Variants in KDM2A observed in about 807,000 individuals in gnomAD.
KDM2A encodes the protein lysine-specific demethylase 2A.
A neutral mutation model predicts 137.3 loss-of-function variants in KDM2A; 3 were observed. The ratio of observed to expected loss-of-function variants is 0.02; its 90% CI spans 0.01 to 0.06. KDM2A has a LOEUF of 0.06. Ranked by LOEUF, KDM2A falls within the 10% of genes least tolerant of loss-of-function variation. The pLI is 1.00. For synonymous variants in KDM2A, 512 were observed against 541.5 expected (o/e 0.95, Z 0.76); for missense variants, 738 against 1,510.6 (o/e 0.49, Z 8.48).
At chr11:67,137,536 A>C (rs1855994793) in intron 2 of KDM2A, among the ~76,000 whole-genome samples, 1 of 152,142 alleles carries the variant, frequency 6.6e-6, no homozygotes, top group Non-Finnish European at 1.5e-5. Context: ...TTTTCATTGA[A>C]TGTTTTGAGG....
At chr11:67,201,793 A>G (rs1857632216) in intron 5 of KDM2A, among the ~76,000 whole-genome samples, 2 of 148,544 alleles carry the variant, frequency 1.3e-5, no homozygotes, top group South Asian at 4.2e-4. Context: ...AAAAAAAAAA[A>G]AAAAAAAAAA....
Position 67,255,665 on chromosome 11 carries a change from G to A in KDM2A, c.*610G>A, listed in dbSNP as rs1258067708. On this transcript the variant is annotated 3_prime_UTR_variant, in exon 21 of 21. Coordinates refer to ENST00000529006, the MANE Select transcript of KDM2A (RefSeq NM_012308.3). ...TCTCCCTTGAGCTTGGTTCTGCCCAGCACTCGTGCTTGTTCACATAATTAG... is the reference window on the plus strand; with the variant it reads ...TCTCCCTTGAGCTTGGTTCTGCCCAACACTCGTGCTTGTTCACATAATTAG... 2.3e-5 allele frequency: 10 copies of A among 435,118 alleles called. No homozygotes were observed. Among genetic ancestry groups the A allele is most frequent in the African/African-American group, 6.1e-5 (3 of 49,430 alleles). 27.0% of individuals were successfully genotyped at this position (435,118 alleles called of 1,614,324 possible).
chr11:67,183,100 A>G (rs1857126403), intron 5 of KDM2A, among the ~76,000 whole-genome samples: 1 of 152,132 alleles, frequency 6.6e-6, no homozygotes, highest in African/African-American at 2.4e-5. Flanking sequence ...TGTTTTATTC[A>G]TCCCCTTACT....
chr11:67,151,434 G>A (rs940925621), intron 2 of KDM2A, among the ~76,000 whole-genome samples: 7 of 151,986 alleles, frequency 4.6e-5, no homozygotes, highest in African/African-American at 1.7e-4. Flanking sequence ...AGGCTGGAGT[G>A]CAATGGTGCC....
chr11:67,248,609 G>A (rs1043218146), intron 16 of KDM2A: 7 of 456,960 alleles, frequency 1.5e-5, no homozygotes, highest in Non-Finnish European at 2.8e-5. Flanking sequence ...AATTCCTAAG[G>A]TCCTTTTATA....
chr11:67,240,435 C>A, intron 12 of KDM2A: 1 of 1,381,394 alleles, frequency 7.2e-7, no homozygotes, highest in Non-Finnish European at 9.8e-7. Flanking sequence ...ACTTTTGTCT[C>A]AGTGAAGAGG....
chr11:67,144,150 G>A (rs1189769955), intron 2 of KDM2A, among the ~76,000 whole-genome samples: 1 of 151,592 alleles, frequency 6.6e-6, no homozygotes, highest in African/African-American at 2.4e-5. Flanking sequence ...TTACCATGTT[G>A]CCCAGGCTGG....
At chr11:67,242,054 A>C (rs1859059835) in intron 12 of KDM2A, among the ~76,000 whole-genome samples, 1 of 152,242 alleles carries the variant, frequency 6.6e-6, no homozygotes, top group South Asian at 2.1e-4. Flanking sequence ...AGCCTGAGCA[A>C]CAGAGTGAGA....
rs1197854827 is a variant in KDM2A, at chr11:67,252,805, T to C, written c.2880T>C (p.Ser960=). Residue 960 remains serine, a synonymous_variant, in exon 18 of 21, where the codon AGT becomes AGC. Coordinates refer to ENST00000529006, the MANE Select transcript of KDM2A (RefSeq NM_012308.3). ...IKRQPVSLDL[S]WTNISKKQLT... ...GGCAGCCAGTCAGCCTTGACCTCAG[T>C]TGGACCAACATCTCTAAAAAGCAAC... is the stretch of plus-strand genomic sequence containing the variant. 3 of 1,613,772 alleles carry C rather than the reference T, an allele frequency of 1.9e-6. No individual in the cohort carries two copies. The highest frequency in any genetic ancestry group is 2.5e-6 in the Non-Finnish European group (3 of 1,179,782).
intron 2 of KDM2A, among the ~76,000 whole-genome samples, chr11:67,157,250 T>G (rs11227718): frequency 0.034 from 4,743 of 139,820 alleles, 119 homozygotes; most frequent in African/African-American, 0.076. Context: ...GAGGCGGAGC[T>G]GGCAGTGAGC....
chr11:67,197,202 A>AT (rs1280681243), intron 5 of KDM2A: 6 of 147,260 alleles, frequency 4.1e-5, no homozygotes, highest in Non-Finnish European at 1.5e-5. Context: ...GAGACAGGGT[A>AT]TTGCTTTGTC....
At chr11:67,125,916 A>G (rs1166567750) in intron 2 of KDM2A, among the ~76,000 whole-genome samples, 1 of 136,498 alleles carries the variant, frequency 7.3e-6, no homozygotes, top group Non-Finnish European at 1.5e-5. Flanking sequence ...GCACTCCAGC[A>G]TGGGTGACTG....
At chr11:67,240,014 A>C in intron 12 of KDM2A, 31 of 1,280,890 alleles carry the variant, frequency 2.4e-5, no homozygotes, top group Non-Finnish European at 3.1e-5. Flanking sequence ...TGGCTCGCTC[A>C]CTCTCGCTCG....
At chr11:67,195,899 C>G in intron 5 of KDM2A, 1 of 374,400 alleles carries the variant, frequency 2.7e-6, no homozygotes, top group Non-Finnish European at 5.4e-6. Flanking sequence ...TCAATAGGCT[C>G]CAATAAGGAA....
intron 2 of KDM2A, among the ~76,000 whole-genome samples, chr11:67,125,970 G>A (rs769724029): frequency 3.4e-5 from 5 of 148,656 alleles, no homozygotes; most frequent in Non-Finnish European, 7.4e-5. Flanking sequence ...AAAAGGCCAG[G>A]CACAGTGTCT....
intron 5 of KDM2A, among the ~76,000 whole-genome samples, chr11:67,200,536 A>G (rs1276175674): frequency 6.6e-6 from 1 of 151,664 alleles, no homozygotes; most frequent in Non-Finnish European, 1.5e-5. Flanking sequence ...TTTTAAGACA[A>G]GGTCTCATTC....
intron 2 of KDM2A, among the ~76,000 whole-genome samples, chr11:67,172,660 T>C (rs971208119): frequency 1.3e-5 from 2 of 151,680 alleles, no homozygotes; most frequent in Admixed American, 6.6e-5. Context: ...GGATTCCTTA[T>C]AGTTTTCTGT....
chr11:67,222,227 G>T (rs1354224955), intron 10 of KDM2A, among the ~76,000 whole-genome samples: 1 of 102,058 alleles, frequency 9.8e-6, no homozygotes, highest in African/African-American at 3.9e-5. Context: ...GCGGCCTTCC[G>T]CAGTGTTTGT....
chr11:67,147,859 A>G (rs916661786), intron 2 of KDM2A, among the ~76,000 whole-genome samples: 14 of 151,736 alleles, frequency 9.2e-5, no homozygotes, highest in African/African-American at 3.1e-4. Context: ...TTGTATTTTT[A>G]GTAGAGACGA....
Sources: allele counts gnomAD v4.1 joint callset (sites outside exome capture counted in the v4.1 genomes callset), GRCh38; gene constraint gnomAD v4.1.1; transcripts MANE v1.5; gene names NCBI Gene and HGNC (gene_info 2026-07-23, HGNC 2026-07-21).